The following SEC61A2 variants were observed in gnomAD, a reference collection of about 807,000 sequenced individuals.
SEC61A2 encodes the protein protein transport protein Sec61 subunit alpha isoform 2.
In SEC61A2, 28 loss-of-function variants were observed where a neutral mutation model predicts 59.9. That is an observed-to-expected ratio of 0.47 (90% CI 0.35 to 0.64). The LOEUF (loss-of-function observed/expected upper bound fraction) is 0.64. Among genes scored for constraint, SEC61A2 ranks in the 30% least tolerant of loss-of-function variants. The pLI is 0.01. For synonymous variants in SEC61A2, 202 were observed against 214.4 expected, an observed-to-expected ratio of 0.94 and a Z score of 0.50; for missense variants, 340 against 585.9, an observed-to-expected ratio of 0.58 and a Z score of 4.33.
At chr10:12,140,591 GCT>G (rs1395306259) in intron 3 of SEC61A2, among the ~76,000 whole-genome samples, 1 of 152,214 alleles carries the variant, frequency 6.6e-6, no homozygotes, top group African/African-American at 2.4e-5. Context: ...CGGAGTGGCC[GCT>G]CTCCACTTGT....
chr10:12,154,544 T>C lies in SEC61A2; in HGVS notation c.463-1234T>C, dbSNP rs1834353798. ...GATTGTGGTTAAATAGAATCGGTAG[T>C]AAGTCCTAACCTCTACATTATTTTG... On this transcript the variant is annotated intron_variant, in intron 6 of 11. Transcript: ENST00000298428. The surrounding 1 kb of genome is among the most constrained non-coding windows in gnomAD (Gnocchi z 5.2). Among the ~76,000 whole-genome samples, 1 of 152,218 alleles carries C rather than the reference T, an allele frequency of 6.6e-6. No homozygotes were observed. Among genetic ancestry groups the C allele is most frequent in the Admixed American group, 6.5e-5 (1 of 15,274 alleles).
chr10:12,157,107 T>C (rs1834416765), intron 8 of SEC61A2, 40 bp downstream of exon 8: 2 of 1,582,274 alleles, frequency 1.3e-6, no homozygotes, highest in Non-Finnish European at 1.7e-6. Context: ...GGGATGTAGA[T>C]TTTTATTTTG....
In SEC61A2 at chr10:12,152,279, C is replaced by T. The variant is rs1834293031; in HGVS notation, c.462+2318C>T. ...ATTTTTAGTAGAGATGGGATTTTGC[C>T]GTGTTGGCCAGGCTGGTCTTGAACT... On this transcript the variant is annotated intron_variant, in intron 6 of 11. Transcript: ENST00000298428. This position sits in a 1 kb window ranked among gnomAD's most constrained non-coding sequence, Gnocchi z 5.5. Among the ~76,000 whole-genome samples the T allele has an allele frequency of 6.6e-6, 1 of 151,904 alleles. No homozygotes were observed. Among genetic ancestry groups the T allele is most frequent in the Non-Finnish European group, 1.5e-5 (1 of 68,010 alleles).
chr10:12,133,748 C>G (rs540655181), intron 2 of SEC61A2, among the ~76,000 whole-genome samples: 7 of 152,322 alleles, frequency 4.6e-5, no homozygotes, highest in Admixed American at 4.6e-4. Context: ...ATATATACCT[C>G]CCATTTCTTG....
rs1834509790 is a variant in SEC61A2 at position 12,160,879 on chromosome 10, A to T, written c.976-51A>T. 1 of 1,472,594 alleles carries T rather than the reference A, an allele frequency of 6.8e-7. No homozygotes were observed. The allele number at this position is 1,472,594 out of a possible 1,614,324, so 91.2% of individuals were successfully genotyped here. On this transcript the variant is annotated intron_variant, in intron 9 of 11. Coordinates refer to ENST00000298428, the MANE Select transcript of SEC61A2 (RefSeq NM_018144.4). The surrounding 1 kb of genome is among the most constrained non-coding windows in gnomAD (Gnocchi z 4.1). The stretch of plus-strand genomic sequence containing the variant: ...GAAGTTTGAAGTGACATGCAAATGT[A>T]TTCCTGACTAATTAGGTTGACCACT...
intron 2 of SEC61A2, among the ~76,000 whole-genome samples, chr10:12,134,200 G>T (rs1833829782): frequency 6.6e-6 from 1 of 152,166 alleles, no homozygotes; most frequent in Non-Finnish European, 1.5e-5. Flanking sequence ...GTAGAGACGG[G>T]GTTTCACCGT....
chr10:12,132,568 C>T (rs7080933), intron 1 of SEC61A2, among the ~76,000 whole-genome samples: 52,394 of 150,114 alleles, frequency 0.35, 9,578 homozygotes, highest in East Asian at 0.42. Flanking sequence ...GAGCCGAGAT[C>T]GTGCCGCTGA....
rs772763703 is a variant in SEC61A2 at position 12,153,229 on chromosome 10, C to T, written c.463-2549C>T. 3.3e-5 allele frequency among the ~76,000 whole-genome samples: 5 copies of T among 152,124 alleles called. No individual in the cohort carries two copies. The highest frequency in any genetic ancestry group is 4.8e-5 in the African/African-American group (2 of 41,424). ...TCTTTCAGGGCTTAGGGTTTCTCTT[C>T]GTATGCTTTAGGCATTGTTGAGGTT... is the stretch of plus-strand genomic sequence containing the variant. On this transcript the variant is annotated intron_variant, in intron 6 of 11. Coordinates refer to ENST00000298428, the MANE Select transcript of SEC61A2 (RefSeq NM_018144.4). This position sits in a 1 kb window ranked among gnomAD's most constrained non-coding sequence, Gnocchi z 5.2.
Position 12,161,509 on chromosome 10 carries a change from G to GA in SEC61A2, c.1167+389dup. ...TGTAATCCCAGCACTTCGGGAGGCC[G>GA]AGGTGGGCAGATCCCATGGGTAGGA... On this transcript the variant is annotated intron_variant, in intron 10 of 11. Transcript: ENST00000298428. This position sits in a 1 kb window ranked among gnomAD's most constrained non-coding sequence, Gnocchi z 5.4. 6.6e-6 allele frequency among the ~76,000 whole-genome samples: 1 copy of GA among 152,206 alleles called. No homozygotes were observed. Among genetic ancestry groups the GA allele is most frequent in the East Asian group, 1.9e-4 (1 of 5,188 alleles).
chr10:12,144,905 C>T (rs1280835066), intron 4 of SEC61A2, among the ~76,000 whole-genome samples: 1 of 152,080 alleles, frequency 6.6e-6, no homozygotes, highest in Non-Finnish European at 1.5e-5. Context: ...CAAAAATTAG[C>T]CAGGTGTGGT....
chr10:12,164,572 G>T lies in SEC61A2; in HGVS notation c.*118G>T. The T allele has an allele frequency of 6.8e-7, 1 of 1,479,380 alleles. No individual in the cohort carries two copies. Among genetic ancestry groups the T allele is most frequent in the East Asian group, 2.4e-5 (1 of 42,250 alleles). The allele number at this position is 1,479,380 out of a possible 1,614,324, so 91.6% of individuals were successfully genotyped here. A position where few individuals can be genotyped will look rare whatever the true frequency, so the allele number is the denominator to read the frequency against. The stretch of plus-strand genomic sequence containing the variant: ...CTCACAGTTTCTTGTTTCGAGTGCT[G>T]ACTGACCCGTTTCTGAAATGGGCAC... On this transcript the variant is annotated 3_prime_UTR_variant, in exon 12 of 12. Coordinates refer to ENST00000298428, the MANE Select transcript of SEC61A2 (RefSeq NM_018144.4). This position sits in a 1 kb window ranked among gnomAD's most constrained non-coding sequence, Gnocchi z 7.3.
chr10:12,153,722 T>C lies in SEC61A2; in HGVS notation c.463-2056T>C, dbSNP rs1834334126. The C allele has an allele frequency of 2.5e-6, 4 of 1,610,752 alleles. No individual in the cohort carries two copies. The African/African-American group carries it at 4.0e-5, about 16-fold the overall frequency. ...TTGATTGTAGGTGGGCAGTGACCCA[T>C]TGGTGTCTTTTCAAGGCGTTACTAA... On this transcript the variant is annotated intron_variant, in intron 6 of 11. Coordinates refer to ENST00000298428, the MANE Select transcript of SEC61A2 (RefSeq NM_018144.4). The surrounding 1 kb of genome is among the most constrained non-coding windows in gnomAD (Gnocchi z 5.2).
chr10:12,147,175 G>A (rs1834159474), intron 4 of SEC61A2, among the ~76,000 whole-genome samples: 1 of 152,210 alleles, frequency 6.6e-6, no homozygotes, highest in African/African-American at 2.4e-5. Context: ...ACAGGCGTGA[G>A]CCACCATGTC....
In SEC61A2 at chr10:12,155,650, C is replaced by A; in HGVS notation, c.463-128C>A. 9.2e-7 allele frequency: 1 copy of A among 1,083,626 alleles called. No homozygotes were observed. Among genetic ancestry groups the A allele is most frequent in the Non-Finnish European group, 1.4e-6 (1 of 729,558 alleles). 67.1% of individuals were successfully genotyped at this position (1,083,626 alleles called of 1,614,324 possible). A position where few individuals can be genotyped will look rare whatever the true frequency, so the allele number is the denominator to read the frequency against. On this transcript the variant is annotated intron_variant, in intron 6 of 11. Coordinates refer to ENST00000298428, the MANE Select transcript of SEC61A2 (RefSeq NM_018144.4). The surrounding 1 kb of genome is among the most constrained non-coding windows in gnomAD (Gnocchi z 4.3). ...GGCCAAAAGATGCAGTTGGTCATCA[C>A]AGTGAGATTGCAACGATCAGGCCTT...
At chr10:12,159,320 G>GT (rs1376603748) in intron 9 of SEC61A2, among the ~76,000 whole-genome samples, 1 of 152,120 alleles carries the variant, frequency 6.6e-6, no homozygotes, top group East Asian at 1.9e-4. Flanking sequence ...TTATTGAAGC[G>GT]TGAGTTACTG....
intron 3 of SEC61A2, among the ~76,000 whole-genome samples, chr10:12,139,289 C>T (rs1208246501): frequency 6.6e-6 from 1 of 151,860 alleles, no homozygotes; most frequent in African/African-American, 2.4e-5. Flanking sequence ...GTATTTCCAC[C>T]AGCCGTGTTC....
chr10:12,134,299 G>A (rs1269531748), intron 2 of SEC61A2, among the ~76,000 whole-genome samples: 8 of 152,312 alleles, frequency 5.3e-5, no homozygotes, highest in East Asian at 3.9e-4. Context: ...GAGCCACCGC[G>A]CCCGGCTAGA....
At chr10:12,140,724 T>C (rs1055968852) in intron 3 of SEC61A2, among the ~76,000 whole-genome samples, 9 of 151,728 alleles carry the variant, frequency 5.9e-5, no homozygotes, top group African/African-American at 1.9e-4. Flanking sequence ...GCCCCCGGAG[T>C]AGCTGGGACT....
rs1029125216 is a variant in SEC61A2, at chr10:12,143,978, C to T, written c.220+783C>T. Among the ~76,000 whole-genome samples the T allele has an allele frequency of 1.2e-4, 19 of 152,036 alleles. No individual in the cohort carries two copies. Among genetic ancestry groups the T allele is most frequent in the East Asian group, 1.9e-4 (1 of 5,190 alleles). On this transcript the variant is annotated intron_variant, in intron 4 of 11. Transcript: ENST00000298428. The surrounding 1 kb of genome is among the most constrained non-coding windows in gnomAD (Gnocchi z 4.8). The stretch of plus-strand genomic sequence containing the variant: ...TCCTGAGTAGCTGGGACTACTGGTG[C>T]GTGCCACAATGCCTGGCTAATTTTT...
Sources: gnomAD v4.1 joint callset for allele counts (sites outside exome capture counted in the v4.1 genomes callset) on GRCh38, gnomAD v4.1.1 for gene constraint, Gnocchi (gnomAD v3.1) non-coding constraint, MANE v1.5 for transcripts, NCBI Gene and HGNC (gene_info 2026-07-23, HGNC 2026-07-21) for gene names.